Variants in TRIM75 observed in about 807,000 individuals in gnomAD.
TRIM75 encodes tripartite motif containing 75, also known as tripartite motif-containing protein 75.
At chr4:165,054,050 C>A in the TRIM75 span, among the ~76,000 whole-genome samples, 2 of 152,020 alleles carry the variant, frequency 1.3e-5, no homozygotes, top group Non-Finnish European at 2.9e-5. Flanking sequence ...GCTTGCACCT[C>A]ACAAGGGAAC....
At chr4:165,059,978 T>G in the TRIM75 span, 1 of 778,532 alleles carries the variant, frequency 1.3e-6, no homozygotes, top group Non-Finnish European at 2.4e-6. Context: ...ATGGCTGCAG[T>G]TTTCCTCCCC....
the TRIM75 span, among the ~76,000 whole-genome samples, chr4:165,056,449 A>G: frequency 6.6e-6 from 1 of 151,850 alleles, no homozygotes. Flanking sequence ...GATGCCATGG[A>G]CTATGCTGTC....
chr4:165,055,211 C>T, the TRIM75 span, among the ~76,000 whole-genome samples: 2 of 151,706 alleles, frequency 1.3e-5, no homozygotes, highest in Non-Finnish European at 2.9e-5. Flanking sequence ...TGGGCTCAAG[C>T]GATCCTCCCA....
the TRIM75 span, among the ~76,000 whole-genome samples, chr4:165,056,267 C>T: frequency 2.0e-5 from 3 of 150,816 alleles, no homozygotes; most frequent in African/African-American, 7.3e-5. Flanking sequence ...GATCCCATCT[C>T]TATTAAAAAT....
the TRIM75 span, chr4:165,060,004 A>G: frequency 9.2e-5 from 71 of 774,736 alleles, no homozygotes; most frequent in Middle Eastern, 2.3e-4. Flanking sequence ...TCTGCTCTGC[A>G]GAGAATTATA....
chr4:165,056,546 A>G, the TRIM75 span, among the ~76,000 whole-genome samples: 1 of 150,960 alleles, frequency 6.6e-6, no homozygotes, highest in African/African-American at 2.4e-5. Flanking sequence ...GCATGCTCAC[A>G]TAATAGACAA....
the TRIM75 span, among the ~76,000 whole-genome samples, chr4:165,058,315 C>T: frequency 2.6e-4 from 40 of 151,986 alleles, no homozygotes; most frequent in Non-Finnish European, 1.0e-4. Context: ...ACTACAGGTG[C>T]GCACCATCAT....
the TRIM75 span, among the ~76,000 whole-genome samples, chr4:165,056,646 G>A: frequency 9.8e-5 from 11 of 112,786 alleles, no homozygotes; most frequent in South Asian, 8.7e-4. Flanking sequence ...ACAGAGTCTC[G>A]CTCTGTTGCC....
the TRIM75 span, chr4:165,059,172 G>A: frequency 7.7e-6 from 6 of 778,618 alleles, no homozygotes; most frequent in Admixed American, 6.8e-5. Flanking sequence ...AGCTCTGACC[G>A]GACTCCAAGC....
the TRIM75 span, chr4:165,060,101 T>A: frequency 1.3e-6 from 1 of 780,930 alleles, no homozygotes; most frequent in Admixed American, 1.7e-5. Context: ...GTGTGAGATT[T>A]ACAAAGAGAA....
chr4:165,059,584 G>T, the TRIM75 span: 5 of 780,874 alleles, frequency 6.4e-6, no homozygotes, highest in Non-Finnish European at 7.2e-6. Context: ...AGATTCTGCA[G>T]TTACATCCAG....
At chr4:165,056,298 T>A in the TRIM75 span, among the ~76,000 whole-genome samples, 1 of 32,894 alleles carries the variant, frequency 3.0e-5, no homozygotes, top group South Asian at 5.6e-4. Flanking sequence ...ATAAAAATGA[T>A]TTTTTTTTTT....
At chr4:165,056,505 T>G in the TRIM75 span, among the ~76,000 whole-genome samples, 1 of 151,886 alleles carries the variant, frequency 6.6e-6, no homozygotes, top group African/African-American at 2.4e-5. Context: ...CCACAGGGAT[T>G]GATAATAGAG....
the TRIM75 span, among the ~76,000 whole-genome samples, chr4:165,056,602 CTTTTTTTTTTTTTT>C: frequency 3.9e-4 from 27 of 69,988 alleles, no homozygotes; most frequent in South Asian, 8.0e-3. Flanking sequence ...GTCTCTGTCT[CTTTTTTTTTTTTTT>C]TTTTTTTTTT....
chr4:165,055,619 GA>G, the TRIM75 span, among the ~76,000 whole-genome samples: 1 of 152,054 alleles, frequency 6.6e-6, no homozygotes, highest in Non-Finnish European at 1.5e-5. Context: ...GTTTGATACT[GA>G]GTCTTGACGC....
At chr4:165,060,407 G>A in the TRIM75 span, 3 of 780,782 alleles carry the variant, frequency 3.8e-6, no homozygotes, top group African/African-American at 3.4e-5. Flanking sequence ...TGGACTATGA[G>A]ATGGGTGAGA....
chr4:165,059,224 C>T, the TRIM75 span: 3 of 780,198 alleles, frequency 3.8e-6, no homozygotes, highest in Non-Finnish European at 4.8e-6. Context: ...CTGAGTGACC[C>T]CGTCACCATC....
At chr4:165,057,313 C>G in the TRIM75 span, among the ~76,000 whole-genome samples, 1 of 151,948 alleles carries the variant, frequency 6.6e-6, no homozygotes, top group Admixed American at 6.6e-5. Flanking sequence ...AGTTTGAGAT[C>G]AGACTGAGTG....
At chr4:165,055,937 T>TA in the TRIM75 span, among the ~76,000 whole-genome samples, 1 of 150,800 alleles carries the variant, frequency 6.6e-6, no homozygotes, top group African/African-American at 2.4e-5. Flanking sequence ...TTTTTTTTTT[T>TA]TTGAGTCTCA....
Sources: allele counts gnomAD v4.1 joint callset (sites outside exome capture counted in the v4.1 genomes callset), GRCh38; gene constraint gnomAD v4.1.1; transcripts MANE v1.5; gene names NCBI Gene and HGNC (gene_info 2026-07-23, HGNC 2026-07-21).